The following DACH1 variants were observed in gnomAD, a reference collection of about 807,000 sequenced individuals.
DACH1 encodes dachshund homolog 1.
A neutral mutation model predicts 54.2 loss-of-function variants in DACH1; 12 were observed. The ratio of observed to expected loss-of-function variants is 0.22; its 90% CI spans 0.14 to 0.36. The LOEUF (loss-of-function observed/expected upper bound fraction) is 0.36. Among genes scored for constraint, DACH1 ranks in the 10% least tolerant of loss-of-function variants. The pLI is 1.00. For synonymous variants in DACH1, 386 were observed against 366.2 expected, an observed-to-expected ratio of 1.05 and a Z score of -0.62; for missense variants, 805 against 929.8, an observed-to-expected ratio of 0.87 and a Z score of 1.75.
chr13:71,541,966 G>T (rs1393078348), intron 6 of DACH1, among the ~76,000 whole-genome samples: 2 of 136,476 alleles, frequency 1.5e-5, no homozygotes, highest in African/African-American at 5.5e-5. Flanking sequence ...ACAAATTTCA[G>T]GCCGGGTACG....
At chr13:71,588,596 G>A (rs1243495152) in intron 3 of DACH1, among the ~76,000 whole-genome samples, 1 of 151,934 alleles carries the variant, frequency 6.6e-6, no homozygotes. Flanking sequence ...ATAAAGTACA[G>A]TAAAACAAGG....
chr13:71,745,620 G>C (rs1051225253), intron 1 of DACH1, among the ~76,000 whole-genome samples: 6 of 152,166 alleles, frequency 3.9e-5, no homozygotes, highest in Non-Finnish European at 8.8e-5. Flanking sequence ...AATCTTCCTG[G>C]AGAAACAGTC....
intron 3 of DACH1, among the ~76,000 whole-genome samples, chr13:71,596,473 T>C (rs1228202955): frequency 1.3e-5 from 2 of 152,232 alleles, no homozygotes; most frequent in African/African-American, 4.8e-5. Flanking sequence ...ACTGTGTTCA[T>C]ATTTATGGTT....
chr13:71,517,909 T>C (rs780852325), intron 6 of DACH1, among the ~76,000 whole-genome samples: 1 of 151,942 alleles, frequency 6.6e-6, no homozygotes, highest in Admixed American at 6.6e-5. Context: ...TAATTCATTC[T>C]ATTTTGATTT....
intron 2 of DACH1, among the ~76,000 whole-genome samples, chr13:71,659,386 G>A (rs907484679): frequency 6.6e-6 from 1 of 152,136 alleles, no homozygotes. Flanking sequence ...GCTGTTAGTG[G>A]TAAGTAATTA....
intron 3 of DACH1, among the ~76,000 whole-genome samples, chr13:71,622,227 C>T (rs935218374): frequency 1.3e-5 from 2 of 151,932 alleles, no homozygotes; most frequent in African/African-American, 2.4e-5. Flanking sequence ...AGATGAATCA[C>T]GGTCACGTGA....
chr13:71,630,495 G>A, intron 3 of DACH1, 61 bp downstream of exon 3: 1 of 1,480,786 alleles, frequency 6.8e-7, no homozygotes, highest in Non-Finnish European at 8.9e-7. Context: ...TTCTGGAAAA[G>A]CATTTACTGT....
intron 6 of DACH1, among the ~76,000 whole-genome samples, chr13:71,531,960 GTA>G (rs539677073): frequency 4.6e-5 from 7 of 151,622 alleles, no homozygotes; most frequent in African/African-American, 1.5e-4. Flanking sequence ...ATGTATGTGT[GTA>G]TATATATATG....
chr13:71,762,246 G>C (rs1364029582), intron 1 of DACH1, among the ~76,000 whole-genome samples: 1 of 152,076 alleles, frequency 6.6e-6, no homozygotes, highest in African/African-American at 2.4e-5. Context: ...CTGGATCACA[G>C]TCTATGACAT....
intron 3 of DACH1, among the ~76,000 whole-genome samples, chr13:71,583,556 T>C (rs1341587964): frequency 6.6e-6 from 1 of 152,190 alleles, no homozygotes; most frequent in Admixed American, 6.6e-5. Context: ...AATAAGTATC[T>C]CCATGGTCAG....
chr13:71,681,895 C>T lies in DACH1; in HGVS notation c.864G>A (p.Arg288=), dbSNP rs1457921335. 2 of 1,611,510 alleles carry T rather than the reference C, an allele frequency of 1.2e-6. No individual in the cohort carries two copies. Among genetic ancestry groups the T allele is most frequent in the East Asian group, 2.2e-5 (1 of 44,822 alleles). ...TGACACTTTGAGTCCTCTTAGGAGG[C>T]CTTCCAGGTCTAGAACTGAAACAAA... is the stretch of plus-strand genomic sequence containing the variant. ...DCTNASSRPG[R]PPKRTQSVTS... is the part of the protein sequence containing the mutation. The change falls in exon 2 of 11, where the codon AGG becomes AGA. Residue 288 remains arginine (R), a synonymous_variant. Coordinates refer to ENST00000613252, the MANE Select transcript of DACH1 (RefSeq NM_080759.6).
At chr13:71,834,351 C>T (rs763529407) in intron 1 of DACH1, among the ~76,000 whole-genome samples, 1 of 151,932 alleles carries the variant, frequency 6.6e-6, no homozygotes, top group Non-Finnish European at 1.5e-5. Flanking sequence ...GAGGGAAGCA[C>T]ACACCAGAAA....
chr13:71,722,804 T>A (rs1182907562), intron 1 of DACH1, among the ~76,000 whole-genome samples: 3 of 152,156 alleles, frequency 2.0e-5, no homozygotes, highest in Non-Finnish European at 4.4e-5. Flanking sequence ...AATGTCTACA[T>A]CATTGCTGTG....
chr13:71,651,176 A>C (rs1273822340), intron 2 of DACH1, among the ~76,000 whole-genome samples: 1 of 152,090 alleles, frequency 6.6e-6, no homozygotes, highest in African/African-American at 2.4e-5. Context: ...ATTTGTTGAT[A>C]TCATCATGGA....
At chr13:71,518,621 T>C (rs2138274751) in intron 6 of DACH1, among the ~76,000 whole-genome samples, 1 of 152,030 alleles carries the variant, frequency 6.6e-6, no homozygotes, top group Non-Finnish European at 1.5e-5. Flanking sequence ...TCCAAGTTAC[T>C]AACACTCTGT....
intron 1 of DACH1, among the ~76,000 whole-genome samples, chr13:71,727,477 T>C (rs1264611518): frequency 6.6e-6 from 1 of 152,176 alleles, no homozygotes; most frequent in East Asian, 1.9e-4. Context: ...CTTTGAATAC[T>C]TCTTCATGTC....
chr13:71,484,938 G>T (rs899207771), intron 7 of DACH1, among the ~76,000 whole-genome samples: 5 of 151,808 alleles, frequency 3.3e-5, no homozygotes, highest in Non-Finnish European at 7.4e-5. Flanking sequence ...GTGGTGGGAG[G>T]CTACTCCCAG....
At chr13:71,742,917 AG>A (rs1884457903) in intron 1 of DACH1, among the ~76,000 whole-genome samples, 1 of 152,184 alleles carries the variant, frequency 6.6e-6, no homozygotes, top group South Asian at 2.1e-4. Flanking sequence ...ATTTCTCTGT[AG>A]AAATTTATGA....
In DACH1 at chr13:71,493,027, G is replaced by GT. The variant is rs75774425; in HGVS notation, c.1571-3880dup. ...CTTTTTTGTGACATGTTCTTAATGA[G>GT]TTTTTTTTTTTTTTTATGGGCATGT... On this transcript the variant is annotated intron_variant, in intron 6 of 10. Transcript: ENST00000613252. Among the ~76,000 whole-genome samples, 1,388 of 140,464 alleles carry GT rather than the reference G, an allele frequency of 9.9e-3. 6 individuals are homozygous for GT. Among genetic ancestry groups the GT allele is most frequent in the African/African-American group, 0.015 (582 of 38,342 alleles). The allele number at this position is 140,464 out of a possible 152,430, so 92.1% of individuals were successfully genotyped here.
Sources: gnomAD v4.1 joint callset for allele counts (sites outside exome capture counted in the v4.1 genomes callset) on GRCh38, gnomAD v4.1.1 for gene constraint, MANE v1.5 for transcripts, NCBI Gene and HGNC (gene_info 2026-07-23, HGNC 2026-07-21) for gene names.